CSTF3: variants seen among roughly 807,000 people sequenced by gnomAD.
The protein encoded by CSTF3 is cleavage stimulation factor subunit 3.
A neutral mutation model predicts 105.8 loss-of-function variants in CSTF3; 29 were observed. That is an observed-to-expected ratio of 0.27 (90% CI 0.20 to 0.37). CSTF3 has a LOEUF of 0.37. Ranked by LOEUF, CSTF3 falls within the 10% of genes least tolerant of loss-of-function variation. The probability of loss-of-function intolerance (pLI) is 1.00; values close to 1 mark genes in which losing one functional copy is unlikely to be tolerated. For synonymous variants in CSTF3, 252 were observed against 281.9 expected (o/e 0.89, Z 1.06); for missense variants, 357 against 879.3 (o/e 0.41, Z 7.51).
chr11:33,109,227 G>C (rs752459602), intron 3 of CSTF3, among the ~76,000 whole-genome samples: 1 of 152,154 alleles, frequency 6.6e-6, no homozygotes, highest in Non-Finnish European at 1.5e-5. Flanking sequence ...GAGTGGGTGG[G>C]GTTAGGTGCT....
In CSTF3 at chr11:33,105,594, G is replaced by A; in HGVS notation, c.558C>T (p.Leu186=). ...CTTCATACTTGTTATAGTCTCTCCA[G>A]AGCTGTTCAATGTTGATCATCGGAT... is the stretch of plus-strand genomic sequence containing the variant. ...CVNPMINIEQ[L]WRDYNKYEEG... Residue 186 remains leucine (L), a synonymous_variant, in exon 8 of 21, where the codon CTC becomes CTT. Coordinates refer to ENST00000323959, the MANE Select transcript of CSTF3 (RefSeq NM_001326.3). The A allele has an allele frequency of 6.2e-7, 1 of 1,613,682 alleles. No individual in the cohort carries two copies. Among genetic ancestry groups the A allele is most frequent in the Non-Finnish European group, 8.5e-7 (1 of 1,179,766 alleles).
At chr11:33,155,247 C>G (rs1168197898) in intron 1 of CSTF3, among the ~76,000 whole-genome samples, 1 of 151,818 alleles carries the variant, frequency 6.6e-6, no homozygotes, top group Non-Finnish European at 1.5e-5. Flanking sequence ...ACCTATAGTC[C>G]CCGCTACTAG....
intron 18 of CSTF3, among the ~76,000 whole-genome samples, 194 bp downstream of exon 18, chr11:33,086,794 A>G (rs984898165): frequency 2.0e-5 from 3 of 152,162 alleles, no homozygotes; most frequent in African/African-American, 7.2e-5. Context: ...TGGAATCTGG[A>G]TCATTGAAGT....
At chr11:33,152,558 GCTAA>G (rs1849801974) in intron 1 of CSTF3, among the ~76,000 whole-genome samples, 1 of 152,194 alleles carries the variant, frequency 6.6e-6, no homozygotes, top group Admixed American at 6.5e-5. Context: ...GTTATGTGAA[GCTAA>G]CTAACTCAGA....
chr11:33,095,590 G>T (rs866783995), intron 15 of CSTF3, among the ~76,000 whole-genome samples: 47 of 151,852 alleles, frequency 3.1e-4, no homozygotes, highest in Non-Finnish European at 1.3e-4. Context: ...GGGAGGCCGA[G>T]GCGGGCGGAT....
At chr11:33,137,020 T>C (rs11032157) in intron 3 of CSTF3, among the ~76,000 whole-genome samples, 31,425 of 151,702 alleles carry the variant, frequency 0.21, 3,881 homozygotes, top group East Asian at 0.35. Context: ...ATATGCATTT[T>C]TTATCATAAA....
intron 3 of CSTF3, among the ~76,000 whole-genome samples, chr11:33,126,816 C>T (rs190193192): frequency 1.3e-5 from 2 of 152,166 alleles, no homozygotes; most frequent in East Asian, 3.9e-4. Flanking sequence ...ATTGTAGCTT[C>T]CTGGAATATA....
At chr11:33,149,910 G>A (rs1460656555) in intron 1 of CSTF3, among the ~76,000 whole-genome samples, 1 of 151,896 alleles carries the variant, frequency 6.6e-6, no homozygotes, top group African/African-American at 2.4e-5. Context: ...TCCCAGCTAC[G>A]TGGGAGGCTG....
At position 33,154,279 on chromosome 11, in the gene CSTF3, T is replaced by C. The variant is rs558668583; in HGVS notation, c.27+7020A>G. ...GCCATGGGCTCCACTTTAAGAAATA[T>C]GTACCACCTCATCTATCTGTTCCAC... is the stretch of plus-strand genomic sequence containing the variant. On this transcript the variant is annotated intron_variant, in intron 1 of 20. Coordinates refer to ENST00000323959, the MANE Select transcript of CSTF3 (RefSeq NM_001326.3). 1.7e-3 allele frequency among the ~76,000 whole-genome samples: 256 copies of C among 152,290 alleles called. 2 individuals are homozygous for C. The highest frequency in any genetic ancestry group is 5.8e-3 in the African/African-American group (243 of 41,570).
chr11:33,086,318 C>T (rs965215384), intron 18 of CSTF3, among the ~76,000 whole-genome samples: 1 of 152,206 alleles, frequency 6.6e-6, no homozygotes, highest in Non-Finnish European at 1.5e-5. Context: ...TGTATTTAAT[C>T]AGAAGGGCCT....
Position 33,085,998 on chromosome 11 carries a change from AAAAG to A in CSTF3, c.1796-13_1796-10del, listed in dbSNP as rs749954314. 30 of 1,464,580 alleles carry A rather than the reference AAAAG, an allele frequency of 2.0e-5. 1 individual carries two copies. In the East Asian group the frequency reaches 2.1e-4, roughly 10 times the overall value. 90.7% of individuals were successfully genotyped at this position (1,464,580 alleles called of 1,614,324 possible). The stretch of plus-strand genomic sequence containing the variant: ...AGGGTGTAAACCTGGAGCTGTGAGA[AAAAG>A]AAAAGTATGAATCAAGTGGAATGGA... On this transcript the variant is annotated splice_polypyrimidine_tract_variant and intron_variant, in intron 18 of 20. Coordinates refer to ENST00000323959, the MANE Select transcript of CSTF3 (RefSeq NM_001326.3).
chr11:33,090,319 A>G (rs1855156137), intron 17 of CSTF3, among the ~76,000 whole-genome samples: 2 of 152,216 alleles, frequency 1.3e-5, no homozygotes, highest in Admixed American at 1.3e-4. Context: ...GAATGAAACT[A>G]TTAAATCCCA....
Position 33,147,157 on chromosome 11 carries a change from C to A in CSTF3, c.28-5171G>T, listed in dbSNP as rs371329528. ...ACAAAACAAAAACAACTTAGCCAGG[C>A]GTGGTGGCAGGCACCTGCAGTCCTA... is the stretch of plus-strand genomic sequence containing the variant. On this transcript the variant is annotated intron_variant, in intron 1 of 20. Transcript: ENST00000323959. Among the ~76,000 whole-genome samples, 8 of 151,962 alleles carry A rather than the reference C, an allele frequency of 5.3e-5. No homozygotes were observed. The East Asian group carries it at 9.7e-4, about 18-fold the overall frequency.
At position 33,099,136 on chromosome 11, in the gene CSTF3, G is replaced by A. The variant is rs1855254479; in HGVS notation, c.951C>T (p.Ala317=). ...TAGCAGCTTCATCACTAAATAATTT[G>A]GCATTATTCATATCCTGGTAGAAAA... The part of the protein sequence containing the change: ...LLAEKGDMNN[A]KLFSDEAANI... The change falls in exon 12 of 21, where the codon GCC becomes GCT. Residue 317 remains alanine (A), a synonymous_variant. Coordinates refer to ENST00000323959, the MANE Select transcript of CSTF3 (RefSeq NM_001326.3). This position sits in a 1 kb window ranked among gnomAD's most constrained non-coding sequence, Gnocchi z 4.1. 2 of 1,575,652 alleles carry A rather than the reference G, an allele frequency of 1.3e-6. No individual in the cohort carries two copies. The highest frequency in any genetic ancestry group is 1.4e-5 in the African/African-American group (1 of 72,124).
At chr11:33,148,255 T>C (rs1157369923) in intron 1 of CSTF3, among the ~76,000 whole-genome samples, 1 of 152,220 alleles carries the variant, frequency 6.6e-6, no homozygotes, top group Non-Finnish European at 1.5e-5. Flanking sequence ...ATCCTGGCTC[T>C]GCATTAGAAT....
chr11:33,108,413 T>C lies in CSTF3; in HGVS notation c.231A>G (p.Lys77=). The C allele has an allele frequency of 4.1e-6, 6 of 1,480,064 alleles. No homozygotes were observed. The highest frequency in any genetic ancestry group is 4.5e-6 in the Non-Finnish European group (5 of 1,102,976). 91.7% of individuals were successfully genotyped at this position (1,480,064 alleles called of 1,614,324 possible). A position where few individuals can be genotyped will look rare whatever the true frequency, so the allele number is the denominator to read the frequency against. Residue 77 remains lysine (K), a synonymous_variant, in exon 4 of 21, where the codon AAA becomes AAG. Transcript: ENST00000323959. ...FWKLYIEAEI[K]AKNYDKVEKL... ...TTTCAACCTTGTCATAATTTTTAGC[T>C]TTAATCTGAAGAGAAACAGAAAAAT...
chr11:33,137,114 A>C (rs1270398818), intron 3 of CSTF3, among the ~76,000 whole-genome samples: 1 of 151,860 alleles, frequency 6.6e-6, no homozygotes, highest in African/African-American at 2.4e-5. Context: ...AAAACGTAAG[A>C]GTCTTTGCAG....
chr11:33,108,183 G>C (rs1314893668), intron 4 of CSTF3, among the ~76,000 whole-genome samples, 183 bp from the exon 5 acceptor site: 1 of 151,862 alleles, frequency 6.6e-6, no homozygotes, highest in Non-Finnish European at 1.5e-5. Context: ...ATTTGTCAGG[G>C]GAGTATAATT....
At chr11:33,093,613 AT>A (rs1433975729) in intron 15 of CSTF3, among the ~76,000 whole-genome samples, 2 of 152,206 alleles carry the variant, frequency 1.3e-5, no homozygotes, top group Non-Finnish European at 2.9e-5. Flanking sequence ...AATATGAAAA[AT>A]TGTTAAGATA....
Sources: allele counts gnomAD v4.1 joint callset (sites outside exome capture counted in the v4.1 genomes callset), GRCh38; gene constraint gnomAD v4.1.1; non-coding constraint Gnocchi (gnomAD v3.1); transcripts MANE v1.5; gene names NCBI Gene and HGNC (gene_info 2026-07-23, HGNC 2026-07-21).